The following SGCD variants were observed in gnomAD, a reference collection of about 807,000 sequenced individuals.
SGCD encodes the protein sarcoglycan delta, also known as delta-sarcoglycan.
SGCD carries 18 observed loss-of-function variants against 36.6 expected under a neutral mutation model. The observed-to-expected ratio is 0.49, with a 90% CI of 0.34 to 0.73. The LOEUF is 0.73. SGCD is among the 30% of genes least tolerant of loss of function. SGCD has a pLI of 0.01. For missense variants in SGCD, 387 were observed against 346.7 expected (o/e 1.12, Z -0.92); for synonymous variants, 133 against 130.6 (o/e 1.02, Z -0.12).
the SGCD span, among the ~76,000 whole-genome samples, chr5:155,857,885 T>C: frequency 1.3e-5 from 2 of 152,254 alleles, no homozygotes; most frequent in South Asian, 2.1e-4. Flanking sequence ...TTACATTTAA[T>C]GTGACTACTA....
intron 4 of SGCD, among the ~76,000 whole-genome samples, chr5:156,576,099 G>A (rs1015729674): frequency 5.5e-5 from 8 of 146,668 alleles, no homozygotes; most frequent in African/African-American, 1.3e-4. Flanking sequence ...AATAGACCCC[G>A]GGGTGTGATG....
At chr5:155,825,790 C>T in the SGCD span, among the ~76,000 whole-genome samples, 1 of 151,524 alleles carries the variant, frequency 6.6e-6, no homozygotes, top group Admixed American at 6.6e-5. Context: ...ACTCTGTCAC[C>T]CAAGCTGGAG....
chr5:156,703,345 G>T (rs1754602984), intron 7 of SGCD, among the ~76,000 whole-genome samples: 1 of 151,492 alleles, frequency 6.6e-6, no homozygotes, highest in African/African-American at 2.4e-5. Flanking sequence ...TGAAACATAT[G>T]CCTCAGAGTT....
chr5:156,239,282 C>T lies in SGCD; in HGVS notation c.-43-90252C>T, dbSNP rs868701656. On this transcript the variant is annotated intron_variant, in intron 3 of 9. Transcript: ENST00000517913. ...GGGTGTGGTGGCAGGTGCCTGTAAT[C>T]CCAGCTACTCAGCAGGCTGAGGCAG... 5.4e-4 allele frequency among the ~76,000 whole-genome samples: 82 copies of T among 151,708 alleles called. 1 individual carries two copies. The Middle Eastern group carries it at 0.017, about 32-fold the overall frequency.
intron 6 of SGCD, among the ~76,000 whole-genome samples, chr5:156,596,595 C>T (rs1375501146): frequency 3.3e-5 from 5 of 152,068 alleles, no homozygotes; most frequent in Non-Finnish European, 5.9e-5. Context: ...TCTTCTTTAT[C>T]TTCCATTACT....
intron 1 of SGCD, among the ~76,000 whole-genome samples, chr5:155,890,425 G>C (rs970237743): frequency 4.6e-5 from 7 of 151,980 alleles, no homozygotes; most frequent in African/African-American, 1.5e-4. Context: ...AGGAGTTCGA[G>C]ACCAGCCTGG....
chr5:155,825,060 T>C, the SGCD span, among the ~76,000 whole-genome samples: 1 of 152,152 alleles, frequency 6.6e-6, no homozygotes, highest in Non-Finnish European at 1.5e-5. Flanking sequence ...ACTATCATTT[T>C]TTAAAATCAG....
At chr5:156,376,646 C>T (rs1770684818) in intron 3 of SGCD, among the ~76,000 whole-genome samples, 1 of 152,010 alleles carries the variant, frequency 6.6e-6, no homozygotes, top group Admixed American at 6.6e-5. Context: ...GGTTTATGTG[C>T]ATCAGATTTT....
chr5:156,438,929 G>A (rs1753368758), intron 3 of SGCD, among the ~76,000 whole-genome samples: 1 of 152,100 alleles, frequency 6.6e-6, no homozygotes, highest in South Asian at 2.1e-4. Flanking sequence ...AAACCTGAGA[G>A]AGTTACTGTT....
chr5:156,364,856 G>A (rs1770004683), intron 3 of SGCD, among the ~76,000 whole-genome samples: 1 of 152,212 alleles, frequency 6.6e-6, no homozygotes, highest in Admixed American at 6.5e-5. Flanking sequence ...CAGAACTGTA[G>A]AGAGCCTCCT....
At chr5:156,151,291 T>TCAGG (rs1762828380) in intron 3 of SGCD, among the ~76,000 whole-genome samples, 1 of 151,682 alleles carries the variant, frequency 6.6e-6, no homozygotes, top group Admixed American at 6.6e-5. Flanking sequence ...AAAGCAATAG[T>TCAGG]CAGGCCTTTC....
intron 2 of SGCD, among the ~76,000 whole-genome samples, chr5:156,330,849 C>T (rs1297617959): frequency 1.3e-5 from 2 of 152,136 alleles, no homozygotes; most frequent in Non-Finnish European, 2.9e-5. Flanking sequence ...CTGCCTCAAA[C>T]GAAGACTGGG....
the SGCD span, among the ~76,000 whole-genome samples, chr5:155,738,904 A>T: frequency 6.7e-6 from 1 of 148,882 alleles, no homozygotes; most frequent in South Asian, 2.1e-4. Context: ...TGTGTGAGAG[A>T]GTATGTGAGA....
chr5:155,853,615 C>T, the SGCD span, among the ~76,000 whole-genome samples: 14,300 of 152,216 alleles, frequency 0.094, 842 homozygotes, highest in South Asian at 0.2. Context: ...TTGTCATTAG[C>T]TCTTTGATAA....
At chr5:156,160,756 T>C (rs1763069399) in intron 3 of SGCD, among the ~76,000 whole-genome samples, 1 of 151,648 alleles carries the variant, frequency 6.6e-6, no homozygotes, top group Non-Finnish European at 1.5e-5. Context: ...CATCACGTAA[T>C]AGTAGCTTAT....
At chr5:156,445,561 G>A (rs888161090) in intron 3 of SGCD, among the ~76,000 whole-genome samples, 18 of 152,102 alleles carry the variant, frequency 1.2e-4, no homozygotes, top group Non-Finnish European at 1.5e-4. Context: ...TGTTAGCAAC[G>A]TGATTATAAG....
upstream of SGCD, among the ~76,000 whole-genome samples, chr5:156,322,505 A>C (rs960062009): frequency 6.6e-6 from 1 of 152,240 alleles, no homozygotes; most frequent in Non-Finnish European, 1.5e-5. Context: ...AGATAAAAAT[A>C]CAAATATGTA....
At chr5:155,732,114 A>C in the SGCD span, among the ~76,000 whole-genome samples, 1 of 152,188 alleles carries the variant, frequency 6.6e-6, no homozygotes, top group Non-Finnish European at 1.5e-5. Context: ...TGACCTTGTC[A>C]GGGGCTTTCA....
intron 1 of SGCD, among the ~76,000 whole-genome samples, chr5:156,029,032 G>GT (rs36093815): frequency 2.7e-5 from 4 of 150,750 alleles, no homozygotes; most frequent in African/African-American, 4.9e-5. Flanking sequence ...AGGCTTTTAT[G>GT]TTTTTTTTTA....
Sources: gnomAD v4.1 joint callset for allele counts (sites outside exome capture counted in the v4.1 genomes callset) on GRCh38, gnomAD v4.1.1 for gene constraint, MANE v1.5 for transcripts, NCBI Gene and HGNC (gene_info 2026-07-23, HGNC 2026-07-21) for gene names.